CNTN5: variants seen among roughly 807,000 people sequenced by gnomAD.
CNTN5 encodes contactin-5.
Under a neutral mutation model 129.1 loss-of-function variants are expected in CNTN5, and 77 were observed. That is an observed-to-expected ratio of 0.60 (90% CI 0.50 to 0.72). The LOEUF is 0.72. CNTN5 is among the 30% of genes least tolerant of loss of function. The pLI, the probability that CNTN5 is intolerant of heterozygous loss-of-function variation, is 0.00. For missense variants in CNTN5, 1,478 were observed against 1,328.8 expected, an observed-to-expected ratio of 1.11 and a Z score of -1.75; for synonymous variants, 509 against 465.6, an observed-to-expected ratio of 1.09 and a Z score of -1.20.
At chr11:99,287,642 G>T (rs1299364309) in intron 1 of CNTN5, among the ~76,000 whole-genome samples, 1 of 152,028 alleles carries the variant, frequency 6.6e-6, no homozygotes, top group Admixed American at 6.6e-5. Flanking sequence ...GAGGAATTTA[G>T]TAGTTGACAC....
chr11:99,508,280 T>C (rs897807766), intron 2 of CNTN5, among the ~76,000 whole-genome samples: 1 of 152,222 alleles, frequency 6.6e-6, no homozygotes, highest in Non-Finnish European at 1.5e-5. Flanking sequence ...GGTTCATGAC[T>C]GGCACATATG....
intron 1 of CNTN5, among the ~76,000 whole-genome samples, chr11:99,084,057 T>G (rs1865906890): frequency 6.6e-6 from 1 of 152,232 alleles, no homozygotes; most frequent in African/African-American, 2.4e-5. Flanking sequence ...TTTGAGTGCT[T>G]GAAACCCTTA....
At chr11:99,174,678 A>T in intron 1 of CNTN5, among the ~76,000 whole-genome samples, 1 of 152,132 alleles carries the variant, frequency 6.6e-6, no homozygotes, top group East Asian at 1.9e-4. Flanking sequence ...CATAATTGCT[A>T]TGTCACTATG....
At chr11:99,608,117 C>T (rs1178545376) in intron 3 of CNTN5, among the ~76,000 whole-genome samples, 1 of 147,984 alleles carries the variant, frequency 6.8e-6, no homozygotes, top group African/African-American at 2.6e-5. Context: ...AAAAAAAAAT[C>T]ACAGTGTTTG....
chr11:100,078,344 A>AT (rs1473757535), intron 13 of CNTN5, among the ~76,000 whole-genome samples: 2 of 152,210 alleles, frequency 1.3e-5, no homozygotes, highest in Non-Finnish European at 2.9e-5. Context: ...GCCTGCTTAT[A>AT]TATTACCAAA....
chr11:99,410,234 T>TTAAG (rs1474917976), intron 2 of CNTN5, among the ~76,000 whole-genome samples: 1 of 152,206 alleles, frequency 6.6e-6, no homozygotes, highest in Non-Finnish European at 1.5e-5. Flanking sequence ...GAGCTAAAAT[T>TTAAG]TAAGTTCAAT....
In CNTN5 at chr11:99,786,947, C is replaced by A. The variant is rs370758449; in HGVS notation, c.56-32597C>A. 1.4e-3 allele frequency among the ~76,000 whole-genome samples: 209 copies of A among 152,218 alleles called. 1 individual carries two copies. Among genetic ancestry groups the A allele is most frequent in the African/African-American group, 4.8e-3 (198 of 41,548 alleles). ...GAGAATCGATACGCTATTTGCTAGACAAATTCTTATTTAGATAACTTCTTA... is the reference window on the plus strand; with the variant it reads ...GAGAATCGATACGCTATTTGCTAGAAAAATTCTTATTTAGATAACTTCTTA... On this transcript the variant is annotated intron_variant, in intron 3 of 24. Coordinates refer to ENST00000524871, the MANE Select transcript of CNTN5 (RefSeq NM_014361.4).
At chr11:100,055,028 T>TTAAAAAAA (rs1565833367) in intron 9 of CNTN5, among the ~76,000 whole-genome samples, 1 of 91,690 alleles carries the variant, frequency 1.1e-5, no homozygotes, top group Non-Finnish European at 2.2e-5. Context: ...AGCCGTAGCC[T>TTAAAAAAA]AAAAAAAAAA....
At chr11:99,035,490 C>G (rs1427986916) in intron 1 of CNTN5, among the ~76,000 whole-genome samples, 5 of 151,202 alleles carry the variant, frequency 3.3e-5, no homozygotes, top group Non-Finnish European at 7.4e-5. Flanking sequence ...ATGGTTAGCT[C>G]TTCTTGTTGA....
chr11:99,990,449 TATATATACAC>T (rs1376532611), intron 8 of CNTN5, among the ~76,000 whole-genome samples: 1 of 75,702 alleles, frequency 1.3e-5, no homozygotes, highest in African/African-American at 5.1e-5. Flanking sequence ...TTAGAATATA[TATATATACAC>T]ACACACACAC....
intron 1 of CNTN5, among the ~76,000 whole-genome samples, chr11:99,211,307 G>T (rs1426955846): frequency 6.6e-6 from 1 of 151,966 alleles, no homozygotes; most frequent in Non-Finnish European, 1.5e-5. Flanking sequence ...TAGATTTTTT[G>T]GGGGGTTTGT....
intron 6 of CNTN5, among the ~76,000 whole-genome samples, chr11:99,909,346 C>T (rs888838099): frequency 4.6e-5 from 7 of 152,092 alleles, no homozygotes; most frequent in African/African-American, 1.4e-4. Context: ...AATAGGAACA[C>T]TTTTACACTG....
chr11:99,616,236 C>A (rs1052034311), intron 3 of CNTN5, among the ~76,000 whole-genome samples: 2 of 152,026 alleles, frequency 1.3e-5, no homozygotes, highest in African/African-American at 4.8e-5. Flanking sequence ...TTTGCCATTC[C>A]GATGTGGCAG....
At chr11:99,432,629 T>A (rs1214567086) in intron 2 of CNTN5, among the ~76,000 whole-genome samples, 3 of 151,598 alleles carry the variant, frequency 2.0e-5, no homozygotes, top group Middle Eastern at 3.2e-3. Context: ...GTGAGAGCAG[T>A]TCAGGGCAAG....
intron 1 of CNTN5, among the ~76,000 whole-genome samples, chr11:99,154,412 G>A (rs1291803000): frequency 6.6e-6 from 1 of 152,128 alleles, no homozygotes; most frequent in African/African-American, 2.4e-5. Context: ...GATGGCATCT[G>A]TGTGCCTGTT....
chr11:99,804,153 C>A (rs1233794532), intron 3 of CNTN5, among the ~76,000 whole-genome samples: 2 of 151,836 alleles, frequency 1.3e-5, no homozygotes, highest in Non-Finnish European at 2.9e-5. Flanking sequence ...TTACAGTATA[C>A]TGAATAAAAA....
chr11:99,822,513 T>A (rs745350824), intron 4 of CNTN5, among the ~76,000 whole-genome samples: 1 of 152,086 alleles, frequency 6.6e-6, no homozygotes, highest in Non-Finnish European at 1.5e-5. Flanking sequence ...TGTAAAACAA[T>A]GGAAAAATAT....
intron 24 of CNTN5, among the ~76,000 whole-genome samples, chr11:100,353,146 A>T (rs1191880775): frequency 6.6e-6 from 1 of 151,620 alleles, no homozygotes; most frequent in Non-Finnish European, 1.5e-5. Flanking sequence ...TTTAAATTGT[A>T]ACTTCTACTC....
At chr11:99,926,495 G>T (rs1040564929) in intron 7 of CNTN5, among the ~76,000 whole-genome samples, 6 of 152,016 alleles carry the variant, frequency 3.9e-5, no homozygotes, top group Non-Finnish European at 5.9e-5. Context: ...AAATATTTTT[G>T]ATGGTAGTTT....
Sources: gnomAD v4.1 joint callset for allele counts (sites outside exome capture counted in the v4.1 genomes callset) on GRCh38, gnomAD v4.1.1 for gene constraint, MANE v1.5 for transcripts, NCBI Gene and HGNC (gene_info 2026-07-23, HGNC 2026-07-21) for gene names.